The following TSNARE1 variants were observed in gnomAD, a reference collection of about 807,000 sequenced individuals.
TSNARE1 encodes the protein t-SNARE domain containing 1, also known as t-SNARE domain-containing protein 1.
In TSNARE1, 49 loss-of-function variants were observed where a neutral mutation model predicts 62.0. The ratio of observed to expected loss-of-function variants is 0.79; its 90% CI spans 0.63 to 1.00. The LOEUF (loss-of-function observed/expected upper bound fraction) is 1.00. Among genes scored for constraint, TSNARE1 ranks in the 50% least tolerant of loss-of-function variants. TSNARE1 has a pLI of 0.00. For missense variants in TSNARE1, 755 were observed against 700.1 expected (o/e 1.08, Z -0.88); for synonymous variants, 328 against 294.4 (o/e 1.11, Z -1.17).
At chr8:142,265,058 A>T (rs765313028) in intron 12 of TSNARE1, among the ~76,000 whole-genome samples, 5 of 151,752 alleles carry the variant, frequency 3.3e-5, no homozygotes, top group Admixed American at 6.6e-5. Flanking sequence ...ACTGATTTGG[A>T]AGTTATATAC....
At position 142,336,185 on chromosome 8, in the gene TSNARE1, G is replaced by A. The variant is rs142460719; in HGVS notation, c.746-4354C>T. Among the ~76,000 whole-genome samples, 595 of 151,636 alleles carry A rather than the reference G, an allele frequency of 3.9e-3. 2 individuals are homozygous for A. The highest frequency in any genetic ancestry group is 0.013 in the African/African-American group (525 of 41,286). On this transcript the variant is annotated intron_variant, in intron 4 of 13. Transcript: ENST00000524325. ...AGTCTCAGCTACTTGAAATGCTGAG[G>A]TGGGAAGACTGCCTGAACCTGGGAG...
At chr8:142,333,292 A>G (rs921940735) in intron 4 of TSNARE1, among the ~76,000 whole-genome samples, 1 of 152,174 alleles carries the variant, frequency 6.6e-6, no homozygotes, top group African/African-American at 2.4e-5. Context: ...CTCGCTCCGA[A>G]ACGCATGCAG....
At chr8:142,218,273 C>G (rs540938927) in intron 13 of TSNARE1, among the ~76,000 whole-genome samples, 40 of 48,832 alleles carry the variant, frequency 8.2e-4, no homozygotes, top group African/African-American at 1.9e-3. Flanking sequence ...CAGGGTGTGG[C>G]CAGGGTCAGG....
chr8:142,365,600 A>ACGCGCG (rs202024772), intron 1 of TSNARE1, among the ~76,000 whole-genome samples: 2 of 125,384 alleles, frequency 1.6e-5, no homozygotes, highest in African/African-American at 3.5e-5. Flanking sequence ...ACACATGCAC[A>ACGCGCG]CGCACACACA....
rs990815015 is a variant in TSNARE1, at chr8:142,277,510, C to T, written c.1364-2647G>A. Reference sequence around the variant, plus strand: ...TGCAGAGCGGAAAGCATGGCCGGCTCGGGGCAACTGGGCCTGCAGCTGGGA... The same window carrying T: ...TGCAGAGCGGAAAGCATGGCCGGCTTGGGGCAACTGGGCCTGCAGCTGGGA... On this transcript the variant is annotated intron_variant, in intron 11 of 13. Coordinates refer to ENST00000524325, the MANE Select transcript of TSNARE1 (RefSeq NM_145003.5). 20 of 985,478 alleles carry T rather than the reference C, an allele frequency of 2.0e-5. No homozygotes were observed. In the African/African-American group the frequency reaches 2.8e-4, roughly 14 times the overall value. 61.0% of individuals were successfully genotyped at this position (985,478 alleles called of 1,614,324 possible).
intron 13 of TSNARE1, among the ~76,000 whole-genome samples, chr8:142,222,517 C>T (rs1816385700): frequency 1.5e-5 from 2 of 133,076 alleles, no homozygotes; most frequent in African/African-American, 5.8e-5. Context: ...CTCACTCACT[C>T]ACTCATCCAC....
intron 3 of TSNARE1, among the ~76,000 whole-genome samples, chr8:142,345,087 C>T (rs1245890932): frequency 6.6e-6 from 1 of 152,256 alleles, no homozygotes; most frequent in Non-Finnish European, 1.5e-5. Flanking sequence ...TGTGCCTCCA[C>T]AGCCCTCCAT....
In TSNARE1 at chr8:142,332,661, A is replaced by G. The variant is rs4391559; in HGVS notation, c.746-830T>C. On this transcript the variant is annotated intron_variant, in intron 4 of 13. Transcript: ENST00000524325. ...CGCTCGCCCGCTGCATGGTGAGGAT[A>G]AACGGCACGGCCACCATGGGAAGGG... Among the ~76,000 whole-genome samples, 408 of 152,264 alleles carry G rather than the reference A, an allele frequency of 2.7e-3. 1 individual carries two copies. The highest frequency in any genetic ancestry group is 9.2e-3 in the African/African-American group (384 of 41,546).
intron 12 of TSNARE1, among the ~76,000 whole-genome samples, chr8:142,238,617 C>T (rs1048196323): frequency 4.6e-5 from 7 of 151,968 alleles, no homozygotes; most frequent in African/African-American, 1.7e-4. Flanking sequence ...CATTCTCCAG[C>T]CAGAACCATG....
At chr8:142,317,123 C>G (rs1828649326) in intron 7 of TSNARE1, among the ~76,000 whole-genome samples, 1 of 151,314 alleles carries the variant, frequency 6.6e-6, no homozygotes, top group South Asian at 2.1e-4. Flanking sequence ...GTGGGTACGA[C>G]CAGTGGCTCA....
chr8:142,232,605 C>G (rs1817175961), intron 12 of TSNARE1, among the ~76,000 whole-genome samples: 1 of 152,218 alleles, frequency 6.6e-6, no homozygotes, highest in African/African-American at 2.4e-5. Context: ...GGAAGAAAGG[C>G]AGGGAAAGGA....
intron 1 of TSNARE1, among the ~76,000 whole-genome samples, chr8:142,374,552 G>A (rs1445284307): frequency 2.6e-5 from 4 of 151,652 alleles, no homozygotes; most frequent in Non-Finnish European, 4.4e-5. Context: ...GATGGCGGGC[G>A]CCTGTAGTCC....
intron 12 of TSNARE1, chr8:142,274,573 G>A (rs1042704979): frequency 2.0e-6 from 2 of 985,442 alleles, no homozygotes; most frequent in South Asian, 4.7e-5. Flanking sequence ...CGACCGCTGT[G>A]GGCACCACGC....
At chr8:142,343,914 T>C in intron 4 of TSNARE1, 52 bp downstream of exon 4, 16 of 1,441,874 alleles carry the variant, frequency 1.1e-5, no homozygotes, top group Non-Finnish European at 1.5e-5. Flanking sequence ...GGCCCCCCCC[T>C]CCTGCTGGAC....
At chr8:142,280,142 G>A (rs909450425) in intron 11 of TSNARE1, 33 of 1,074,434 alleles carry the variant, frequency 3.1e-5, no homozygotes, top group Admixed American at 5.6e-5. Context: ...GGGTAGTGGC[G>A]CCGCACCCTC....
At chr8:142,281,029 C>A (rs1185473100) in intron 11 of TSNARE1, among the ~76,000 whole-genome samples, 2 of 152,160 alleles carry the variant, frequency 1.3e-5, no homozygotes, top group African/African-American at 2.4e-5. Context: ...AGCACAGTAC[C>A]CGGGAAGAGG....
intron 1 of TSNARE1, among the ~76,000 whole-genome samples, chr8:142,382,664 G>A (rs560741415): frequency 6.6e-5 from 10 of 152,320 alleles, no homozygotes; most frequent in South Asian, 6.2e-4. Flanking sequence ...TAAGGAGGAG[G>A]GGACCCATGG....
intron 13 of TSNARE1, among the ~76,000 whole-genome samples, chr8:142,217,671 G>A (rs1480339726): frequency 1.3e-5 from 2 of 152,244 alleles, no homozygotes; most frequent in Non-Finnish European, 2.9e-5. Context: ...GAAGGGTCAG[G>A]GCTAGTCCAT....
At chr8:142,219,465 T>C (rs1383323607) in intron 13 of TSNARE1, among the ~76,000 whole-genome samples, 1 of 152,172 alleles carries the variant, frequency 6.6e-6, no homozygotes, top group Non-Finnish European at 1.5e-5. Context: ...CCTTTACAGA[T>C]TCTGGTACCA....
Sources: gnomAD v4.1 joint callset for allele counts (sites outside exome capture counted in the v4.1 genomes callset) on GRCh38, gnomAD v4.1.1 for gene constraint, MANE v1.5 for transcripts, NCBI Gene and HGNC (gene_info 2026-07-23, HGNC 2026-07-21) for gene names.